The following DRC11 variants were observed in gnomAD, a reference collection of about 807,000 sequenced individuals.
DRC11 encodes the protein dynein regulatory complex subunit 11, also known as IQ and AAA domain-containing protein 1.
the DRC11 span, among the ~76,000 whole-genome samples, chr2:236,423,226 C>A: frequency 6.6e-6 from 1 of 151,972 alleles, no homozygotes; most frequent in Admixed American, 6.6e-5. Flanking sequence ...TAAAGAGCTT[C>A]TGCACAGCAA....
the DRC11 span, among the ~76,000 whole-genome samples, chr2:236,383,329 T>C: frequency 6.6e-6 from 1 of 152,324 alleles, no homozygotes; most frequent in South Asian, 2.1e-4. Context: ...TATTTAAATC[T>C]CATCTTTTTC....
At chr2:236,449,912 T>C in the DRC11 span, among the ~76,000 whole-genome samples, 2 of 152,076 alleles carry the variant, frequency 1.3e-5, no homozygotes, top group East Asian at 1.9e-4. This position sits in a 1 kb window ranked among gnomAD's most constrained non-coding sequence, Gnocchi z 5.1. Context: ...TTGCTTTTGG[T>C]TGAAAGAAAA....
chr2:236,468,515 G>A, the DRC11 span, among the ~76,000 whole-genome samples: 1 of 152,108 alleles, frequency 6.6e-6, no homozygotes, highest in East Asian at 1.9e-4. Flanking sequence ...AAAAACAAAT[G>A]ATCATTAATT....
chr2:236,458,179 T>C, the DRC11 span, among the ~76,000 whole-genome samples: 2 of 152,306 alleles, frequency 1.3e-5, no homozygotes, highest in South Asian at 2.1e-4. Context: ...AAGGTTTAAG[T>C]AGAGGGCATC....
the DRC11 span, chr2:236,324,424 C>A: frequency 3.1e-6 from 1 of 323,480 alleles, no homozygotes; most frequent in Non-Finnish European, 5.8e-6. This position sits in a 1 kb window ranked among gnomAD's most constrained non-coding sequence, Gnocchi z 5.7. Context: ...ACAAACTTGG[C>A]GTGGATTAAA....
the DRC11 span, among the ~76,000 whole-genome samples, chr2:236,321,995 G>C: frequency 6.6e-6 from 1 of 152,234 alleles, no homozygotes; most frequent in South Asian, 2.1e-4. Flanking sequence ...TATGCCTGCA[G>C]CTGCAGGAAG....
the DRC11 span, among the ~76,000 whole-genome samples, chr2:236,491,059 T>TATATATATATATATACAC: frequency 1.4e-5 from 2 of 138,222 alleles, no homozygotes; most frequent in Admixed American, 7.4e-5. Context: ...TATATATATA[T>TATATATATATATATACAC]ACACACAGTA....
At chr2:236,330,946 A>G in the DRC11 span, among the ~76,000 whole-genome samples, 3 of 152,248 alleles carry the variant, frequency 2.0e-5, no homozygotes, top group Non-Finnish European at 4.4e-5. This position sits in a 1 kb window ranked among gnomAD's most constrained non-coding sequence, Gnocchi z 5.5. Flanking sequence ...AAATGAACTG[A>G]AACTGAAAAA....
the DRC11 span, among the ~76,000 whole-genome samples, chr2:236,421,089 T>C: frequency 6.6e-6 from 1 of 152,116 alleles, no homozygotes; most frequent in Non-Finnish European, 1.5e-5. Flanking sequence ...ATGTACCCAG[T>C]AGTAATTCAG....
At chr2:236,368,161 GA>G in the DRC11 span, 3 of 1,342,112 alleles carry the variant, frequency 2.2e-6, no homozygotes, top group Non-Finnish European at 3.2e-6. Flanking sequence ...AGCTGCTTTG[GA>G]AAAGGCACAT....
chr2:236,468,019 A>G, the DRC11 span, among the ~76,000 whole-genome samples: 4 of 152,212 alleles, frequency 2.6e-5, no homozygotes, highest in Admixed American at 2.6e-4. Flanking sequence ...AACCACATAT[A>G]TCATACTTTG....
the DRC11 span, among the ~76,000 whole-genome samples, chr2:236,314,060 A>G: frequency 6.6e-6 from 1 of 152,276 alleles, no homozygotes; most frequent in African/African-American, 2.4e-5. This position sits in a 1 kb window ranked among gnomAD's most constrained non-coding sequence, Gnocchi z 4.5. Context: ...ACACACACAA[A>G]TGAGTACAAG....
At chr2:236,478,435 T>A in the DRC11 span, among the ~76,000 whole-genome samples, 1 of 152,328 alleles carries the variant, frequency 6.6e-6, no homozygotes, top group South Asian at 2.1e-4. The surrounding 1 kb of genome is among the most constrained non-coding windows in gnomAD (Gnocchi z 5.9). Context: ...ATTTTTAAAA[T>A]TTGTTTTGTG....
chr2:236,492,497 G>C, the DRC11 span, among the ~76,000 whole-genome samples: 2 of 152,170 alleles, frequency 1.3e-5, no homozygotes, highest in Non-Finnish European at 2.9e-5. Flanking sequence ...TACCCAATGA[G>C]GGCTATTTGT....
the DRC11 span, among the ~76,000 whole-genome samples, chr2:236,405,534 C>T: frequency 2.6e-5 from 4 of 152,024 alleles, no homozygotes; most frequent in Non-Finnish European, 4.4e-5. This position sits in a 1 kb window ranked among gnomAD's most constrained non-coding sequence, Gnocchi z 4.6. Context: ...GATGCTCAAC[C>T]GCACAGAAAG....
At chr2:236,368,270 G>T in the DRC11 span, 1 of 1,606,098 alleles carries the variant, frequency 6.2e-7, no homozygotes, top group Non-Finnish European at 8.5e-7. Flanking sequence ...TGGACACCTG[G>T]CGAAGAGTAG....
the DRC11 span, among the ~76,000 whole-genome samples, chr2:236,314,142 T>A: frequency 6.6e-6 from 1 of 152,188 alleles, no homozygotes; most frequent in Admixed American, 6.5e-5. The surrounding 1 kb of genome is among the most constrained non-coding windows in gnomAD (Gnocchi z 4.5). Flanking sequence ...TGCAAAATGT[T>A]ACCATTGGGG....
chr2:236,388,595 C>A, the DRC11 span, among the ~76,000 whole-genome samples: 3 of 144,250 alleles, frequency 2.1e-5, no homozygotes, highest in African/African-American at 2.6e-5. Flanking sequence ...AACTTCTTTG[C>A]CTTTGGTTTG....
the DRC11 span, among the ~76,000 whole-genome samples, chr2:236,418,105 G>A: frequency 6.6e-6 from 1 of 152,126 alleles, no homozygotes; most frequent in African/African-American, 2.4e-5. Context: ...TGGGATTGCT[G>A]GGTCAAATGG....
Sources: gnomAD v4.1 joint callset for allele counts (sites outside exome capture counted in the v4.1 genomes callset) on GRCh38, gnomAD v4.1.1 for gene constraint, Gnocchi (gnomAD v3.1) non-coding constraint, MANE v1.5 for transcripts, NCBI Gene and HGNC (gene_info 2026-07-23, HGNC 2026-07-21) for gene names.